The following ZFHX3 variants were observed in gnomAD, a reference collection of about 807,000 sequenced individuals.
ZFHX3 encodes the protein zinc finger homeobox protein 3.
ZFHX3 carries 42 observed loss-of-function variants against 279.1 expected under a neutral mutation model. The ratio of observed to expected loss-of-function variants is 0.15; its 90% CI spans 0.12 to 0.19. The LOEUF is 0.19. Among genes scored for constraint, ZFHX3 ranks in the 10% least tolerant of loss-of-function variants. The pLI is 1.00. For synonymous variants in ZFHX3, 2,293 were observed against 1,957.8 expected, an observed-to-expected ratio of 1.17 and a Z score of -4.52; for missense variants, 4,981 against 4,754.0, an observed-to-expected ratio of 1.05 and a Z score of -1.40.
chr16:73,863,615 G>A (rs991869678), intron 1 of ZFHX3, among the ~76,000 whole-genome samples: 3 of 152,138 alleles, frequency 2.0e-5, no homozygotes, highest in African/African-American at 7.2e-5. Flanking sequence ...GCATTCTCAA[G>A]TTATTTTACA....
At chr16:72,979,066 G>A (rs941924781) in intron 1 of ZFHX3, among the ~76,000 whole-genome samples, 1 of 152,166 alleles carries the variant, frequency 6.6e-6, no homozygotes, top group South Asian at 2.1e-4. Context: ...AAGCAGCAAA[G>A]GAAAGCTGAG....
At chr16:73,376,270 A>G (rs918559120) in intron 3 of ZFHX3, among the ~76,000 whole-genome samples, 1 of 152,238 alleles carries the variant, frequency 6.6e-6, no homozygotes, top group African/African-American at 2.4e-5. Flanking sequence ...ATAATTGCTG[A>G]AGTACAGTTT....
At position 73,781,155 on chromosome 16, in the gene ZFHX3, T is replaced by C. The variant is rs1046407547; in HGVS notation, c.-1607-100915A>G. 5.3e-5 allele frequency among the ~76,000 whole-genome samples: 8 copies of C among 152,196 alleles called. No individual in the cohort carries two copies. The South Asian group carries it at 1.2e-3, about 24-fold the overall frequency. ...TAAACCTAGTTACTTTGTTTAACACTCCCTGCCTCATTACCTGAGCAAGAG... is the reference window on the plus strand; with the variant it reads ...TAAACCTAGTTACTTTGTTTAACACCCCCTGCCTCATTACCTGAGCAAGAG... On this transcript the variant is annotated intron_variant, in intron 1 of 17. Coordinates refer to the ZFHX3 transcript ENST00000641206.
intron 5 of ZFHX3, among the ~76,000 whole-genome samples, chr16:73,215,487 C>T (rs534679449): frequency 1.1e-4 from 16 of 152,328 alleles, no homozygotes; most frequent in Admixed American, 5.2e-4. Context: ...ATGTTTCAAC[C>T]AGCCATTTAA....
chr16:73,795,532 G>T (rs1224224627), intron 1 of ZFHX3, among the ~76,000 whole-genome samples: 1 of 152,104 alleles, frequency 6.6e-6, no homozygotes, highest in Non-Finnish European at 1.5e-5. Context: ...CCTGAATAGA[G>T]AACCTTTCTA....
intron 2 of ZFHX3, among the ~76,000 whole-genome samples, chr16:73,494,443 C>A (rs528514770): frequency 6.6e-6 from 1 of 152,210 alleles, no homozygotes; most frequent in East Asian, 1.9e-4. Flanking sequence ...TTCCATTTAC[C>A]CCTTGTTTCT....
intron 4 of ZFHX3, among the ~76,000 whole-genome samples, chr16:72,833,864 A>G (rs909008844): frequency 6.6e-6 from 1 of 152,196 alleles, no homozygotes; most frequent in Non-Finnish European, 1.5e-5. Flanking sequence ...AGTTAGGGAA[A>G]TAAAAGCAAA....
intron 1 of ZFHX3, among the ~76,000 whole-genome samples, chr16:73,736,614 G>A (rs546910736): frequency 3.9e-5 from 6 of 152,306 alleles, no homozygotes; most frequent in Non-Finnish European, 8.8e-5. Flanking sequence ...TTTCTCTTTC[G>A]GAAAAGAAAC....
At chr16:73,363,631 A>T (rs878989772) in intron 3 of ZFHX3, among the ~76,000 whole-genome samples, 2 of 152,172 alleles carry the variant, frequency 1.3e-5, no homozygotes, top group East Asian at 3.8e-4. Flanking sequence ...ACACAATTAA[A>T]CTATGTCTTA....
rs561916937 is a variant in ZFHX3, at chr16:73,512,835, T to C, written c.-1546-56577A>G. Among the ~76,000 whole-genome samples the C allele has an allele frequency of 3.9e-5, 6 of 152,342 alleles. No homozygotes were observed. In the South Asian group the frequency reaches 8.3e-4, roughly 21 times the overall value. On this transcript the variant is annotated intron_variant, in intron 2 of 17. Transcript: ENST00000641206. ...TATTATTTGAGAACATGAAACCCACTACCTGACTATGTTGCCTGGGAGGGC... is the reference window on the plus strand; with the variant it reads ...TATTATTTGAGAACATGAAACCCACCACCTGACTATGTTGCCTGGGAGGGC...
intron 3 of ZFHX3, among the ~76,000 whole-genome samples, chr16:73,448,142 G>T (rs16971973): frequency 0.012 from 1,812 of 152,170 alleles, 28 homozygotes; most frequent in African/African-American, 0.042. Flanking sequence ...GCCCATCCAG[G>T]GTAACGAATC....
intron 7 of ZFHX3, among the ~76,000 whole-genome samples, chr16:73,122,516 T>G (rs1452799351): frequency 6.6e-6 from 1 of 152,086 alleles, no homozygotes; most frequent in East Asian, 1.9e-4. Context: ...CACATATAAC[T>G]AATTTTAGGA....
chr16:73,756,498 G>A (rs995006146), intron 1 of ZFHX3, among the ~76,000 whole-genome samples: 2 of 152,108 alleles, frequency 1.3e-5, no homozygotes, highest in Non-Finnish European at 2.9e-5. Flanking sequence ...GGCAATAATA[G>A]GGTGTGTACA....
chr16:73,203,453 C>T (rs543680796), intron 5 of ZFHX3, among the ~76,000 whole-genome samples: 10 of 152,338 alleles, frequency 6.6e-5, no homozygotes, highest in East Asian at 1.9e-4. Context: ...TTCAATAGAG[C>T]GTAAGCTCTC....
At chr16:73,546,421 T>C (rs1000057917) in intron 2 of ZFHX3, among the ~76,000 whole-genome samples, 1 of 151,194 alleles carries the variant, frequency 6.6e-6, no homozygotes, top group African/African-American at 2.4e-5. Context: ...TGGAGGTAGT[T>C]TGGGTAGCTG....
intron 3 of ZFHX3, among the ~76,000 whole-genome samples, chr16:72,911,692 C>A (rs933763614): frequency 6.6e-6 from 1 of 152,192 alleles, no homozygotes; most frequent in South Asian, 2.1e-4. Context: ...AAAGTTCAAT[C>A]CCTCGGTGAC....
At chr16:73,831,867 C>T (rs1163915177) in intron 1 of ZFHX3, among the ~76,000 whole-genome samples, 1 of 152,172 alleles carries the variant, frequency 6.6e-6, no homozygotes, top group Non-Finnish European at 1.5e-5. Flanking sequence ...CTGGCCAGGG[C>T]TGGCCCTCAC....
chr16:73,630,976 C>T (rs1217779584), intron 2 of ZFHX3, among the ~76,000 whole-genome samples: 1 of 152,296 alleles, frequency 6.6e-6, no homozygotes, highest in Admixed American at 6.5e-5. Context: ...TGCTGATGCA[C>T]AAGGCTTTAC....
At chr16:73,470,968 C>T (rs1041178443) in intron 2 of ZFHX3, among the ~76,000 whole-genome samples, 1 of 152,168 alleles carries the variant, frequency 6.6e-6, no homozygotes, top group African/African-American at 2.4e-5. Context: ...GAGCATCTCA[C>T]TAAGAAGAAC....
Sources: gnomAD v4.1 joint callset for allele counts (sites outside exome capture counted in the v4.1 genomes callset) on GRCh38, gnomAD v4.1.1 for gene constraint, MANE v1.5 for transcripts, NCBI Gene and HGNC (gene_info 2026-07-23, HGNC 2026-07-21) for gene names.